Variants in TSHZ3 observed in about 807,000 individuals in gnomAD.
The protein encoded by TSHZ3 is teashirt zinc finger homeobox 3.
In TSHZ3, 10 loss-of-function variants were observed where a neutral mutation model predicts 64.5. The observed-to-expected ratio is 0.16, with a 90% CI of 0.10 to 0.26. The LOEUF is 0.26. Among genes scored for constraint, TSHZ3 ranks in the 10% least tolerant of loss-of-function variants. TSHZ3 has a pLI of 1.00. For missense variants in TSHZ3, 1,242 were observed against 1,421.7 expected (o/e 0.87, Z 2.03); for synonymous variants, 608 against 593.1 (o/e 1.03, Z -0.36).
chr19:31,239,316 G>A (rs569853470), intron 3 of TSHZ3, among the ~76,000 whole-genome samples: 1 of 152,148 alleles, frequency 6.6e-6, no homozygotes, highest in African/African-American at 2.4e-5. Flanking sequence ...AATAAATTAT[G>A]AGAATAAAAG....
rs1245868521 is a variant in TSHZ3, at chr19:31,230,403, T to C, written n.551-2263A>G. On this transcript the variant is annotated intron_variant and non_coding_transcript_variant, in intron 3 of 6. Coordinates refer to the TSHZ3 transcript ENST00000651361. ...AGTGATTATCTCTGGGCGGCAAAAGTGTTGGTGATTTTCATTATTCCTCAA... is the reference window on the plus strand; with the variant it reads ...AGTGATTATCTCTGGGCGGCAAAAGCGTTGGTGATTTTCATTATTCCTCAA... 2.0e-5 allele frequency among the ~76,000 whole-genome samples: 3 copies of C among 152,124 alleles called. No individual in the cohort carries two copies. In the East Asian group the frequency reaches 5.8e-4, roughly 29 times the overall value.
At chr19:31,189,824 C>T (rs1353534) in intron 5 of TSHZ3, among the ~76,000 whole-genome samples, 108,641 of 151,996 alleles carry the variant, frequency 0.71, 39,264 homozygotes, top group African/African-American at 0.83. Context: ...CCAGCCATAA[C>T]TGTGAATTTA....
intron 1 of TSHZ3, among the ~76,000 whole-genome samples, chr19:31,256,126 T>A (rs889292081): frequency 6.6e-6 from 1 of 152,052 alleles, no homozygotes; most frequent in Non-Finnish European, 1.5e-5. Flanking sequence ...TTTCTCCCCT[T>A]CTGTGAAATG....
chr19:31,151,655 A>G (rs1974240993), exon 7 of TSHZ3, among the ~76,000 whole-genome samples: 1 of 152,182 alleles, frequency 6.6e-6, no homozygotes, highest in Non-Finnish European at 1.5e-5. Context: ...ATGTGATTGG[A>G]TGGTTCAGGA....
At chr19:31,189,496 A>G (rs1035900192) in intron 5 of TSHZ3, among the ~76,000 whole-genome samples, 2 of 151,722 alleles carry the variant, frequency 1.3e-5, no homozygotes, top group African/African-American at 4.8e-5. Context: ...CCTTTTGATG[A>G]GTAGGTTATT....
In TSHZ3 at chr19:31,217,939, A is replaced by G. The variant is rs561581012; in HGVS notation, n.686+10066T>C. 8.5e-5 allele frequency among the ~76,000 whole-genome samples: 13 copies of G among 152,318 alleles called. No individual in the cohort carries two copies. In the South Asian group the frequency reaches 2.5e-3, roughly 29 times the overall value. ...TAAAGCATGTAAAACACAAAACAAT[A>G]AACTCCTTGAAGATAACATAGGAGA... On this transcript the variant is annotated intron_variant and non_coding_transcript_variant, in intron 4 of 6. Transcript: ENST00000651361.
At chr19:31,181,778 G>T (rs1599565605) in intron 5 of TSHZ3, among the ~76,000 whole-genome samples, 1 of 152,272 alleles carries the variant, frequency 6.6e-6, no homozygotes, top group East Asian at 1.9e-4. Flanking sequence ...TTTTGTTGTT[G>T]CTGGACATTT....
At chr19:31,151,205 A>G (rs1370287845) in exon 7 of TSHZ3, among the ~76,000 whole-genome samples, 2 of 152,180 alleles carry the variant, frequency 1.3e-5, no homozygotes, top group Non-Finnish European at 2.9e-5. Context: ...AGTGACGGGA[A>G]AAGGTTGGCT....
intron 5 of TSHZ3, among the ~76,000 whole-genome samples, chr19:31,157,119 T>C (rs1974315426): frequency 6.6e-6 from 1 of 152,196 alleles, no homozygotes; most frequent in Non-Finnish European, 1.5e-5. Context: ...TGTGGGAATT[T>C]AACTTAAAGA....
chr19:31,327,907 T>C (rs768305690), intron 1 of TSHZ3, among the ~76,000 whole-genome samples: 20 of 152,384 alleles, frequency 1.3e-4, no homozygotes, highest in Non-Finnish European at 2.5e-4. Context: ...AGAGTTTACA[T>C]GGACATTGTC....
At chr19:31,335,337 G>A (rs185592076) in intron 1 of TSHZ3, among the ~76,000 whole-genome samples, 2 of 152,306 alleles carry the variant, frequency 1.3e-5, no homozygotes, top group African/African-American at 4.8e-5. Flanking sequence ...AGGAACAGAG[G>A]AGCTACCCTC....
chr19:31,278,201 G>A lies in TSHZ3; in HGVS notation c.1592C>T (p.Thr531Ile). ...DILKSLENTV[T>I]SAINKAQNGT... is the part of the protein sequence containing the mutation. ...GTTCTGGGCCTTGTTGATTGCGGAT[G>A]TCACTGTGTTTTCCAAGGATTTGAG... Residue 531 changes from threonine to isoleucine, a missense_variant, in exon 2 of 2, where the codon ACA becomes ATA. By Grantham distance (89) the Thr-to-Ile change is moderately conservative. Around this residue, in one of 4 missense-constraint regions of TSHZ3, gnomAD observed 555 missense variants for 704.0 expected, o/e 0.79. Transcript: ENST00000240587. This position sits in a 1 kb window ranked among gnomAD's most constrained non-coding sequence, Gnocchi z 4.7. 2 of 1,614,140 alleles carry A rather than the reference G, an allele frequency of 1.2e-6. No homozygotes were observed. The highest frequency in any genetic ancestry group is 1.7e-6 in the Non-Finnish European group (2 of 1,180,002).
At chr19:31,328,460 G>A (rs1916987773) in intron 1 of TSHZ3, among the ~76,000 whole-genome samples, 1 of 152,254 alleles carries the variant, frequency 6.6e-6, no homozygotes, top group Non-Finnish European at 1.5e-5. Context: ...TGCTTCAGTG[G>A]ACTGGCCCCT....
At chr19:31,242,837 T>C (rs1282896124) in exon 2 of TSHZ3, among the ~76,000 whole-genome samples, 4 of 89,944 alleles carry the variant, frequency 4.4e-5, no homozygotes, top group African/African-American at 2.5e-4. Context: ...AACCTGGAGC[T>C]CTGATGTCCA....
chr19:31,298,066 G>GTCAC (rs973784473), intron 1 of TSHZ3, among the ~76,000 whole-genome samples: 3 of 152,136 alleles, frequency 2.0e-5, no homozygotes, highest in African/African-American at 7.2e-5. Flanking sequence ...TAGGTCACCT[G>GTCAC]TCACTCCTCA....
At chr19:31,169,558 A>G (rs1017387008) in intron 5 of TSHZ3, among the ~76,000 whole-genome samples, 2 of 152,194 alleles carry the variant, frequency 1.3e-5, no homozygotes, top group African/African-American at 4.8e-5. Context: ...TGATTATACA[A>G]CAATATGAAT....
At chr19:31,337,424 G>A (rs143667981) in intron 1 of TSHZ3, among the ~76,000 whole-genome samples, 3 of 152,274 alleles carry the variant, frequency 2.0e-5, no homozygotes, top group Admixed American at 2.0e-4. Flanking sequence ...TGGGATGATG[G>A]CATTTGTATC....
intron 5 of TSHZ3, among the ~76,000 whole-genome samples, chr19:31,187,743 G>T (rs1192376270): frequency 1.3e-5 from 2 of 152,020 alleles, no homozygotes; most frequent in East Asian, 3.9e-4. Context: ...AAAATCAGTT[G>T]TGTGAATTTA....
intron 5 of TSHZ3, among the ~76,000 whole-genome samples, chr19:31,175,193 T>C (rs575359292): frequency 6.6e-6 from 1 of 152,310 alleles, no homozygotes; most frequent in African/African-American, 2.4e-5. Context: ...CACAGGTCAG[T>C]TTCCTGCACA....
Sources: allele counts gnomAD v4.1 joint callset (sites outside exome capture counted in the v4.1 genomes callset), GRCh38; gene constraint gnomAD v4.1.1; regional missense constraint gnomAD v4.1.1; non-coding constraint Gnocchi (gnomAD v3.1); transcripts MANE v1.5; gene names NCBI Gene and HGNC (gene_info 2026-07-23, HGNC 2026-07-21).